The following ST6GALNAC3 variants were observed in gnomAD, a reference collection of about 807,000 sequenced individuals.
ST6GALNAC3 encodes ST6 N-acetylgalactosaminide alpha-2,6-sialyltransferase 3.
In ST6GALNAC3, 25 loss-of-function variants were observed where a neutral mutation model predicts 32.7. The observed-to-expected ratio is 0.76, with a 90% confidence interval of 0.56 to 1.07. The LOEUF (loss-of-function observed/expected upper bound fraction) is 1.07, where lower values mean the gene tolerates loss of function less well. Among genes scored for constraint, ST6GALNAC3 ranks in the 50% least tolerant of loss-of-function variants. The pLI is 0.00. For missense variants in ST6GALNAC3, 355 were observed against 382.4 expected (o/e 0.93, Z 0.60); for synonymous variants, 129 against 133.1 (o/e 0.97, Z 0.21).
chr1:76,622,163 G>T, intron 3 of ST6GALNAC3, among the ~76,000 whole-genome samples: 1 of 148,730 alleles, frequency 6.7e-6, no homozygotes, highest in South Asian at 2.1e-4. Context: ...CAAAGTTTGA[G>T]CCAAAGGCCC....
intron 1 of ST6GALNAC3, among the ~76,000 whole-genome samples, chr1:76,249,918 A>G (rs1385057413): frequency 6.6e-6 from 1 of 152,182 alleles, no homozygotes; most frequent in Non-Finnish European, 1.5e-5. Flanking sequence ...ATGAATGCAT[A>G]TTCACATTCT....
In ST6GALNAC3 at chr1:76,509,269, A is replaced by G. The variant is rs1215512821; in HGVS notation, c.623+96852A>G. ...ATAAAAGGGGCAGCAGGCAGTGAGT[A>G]GTTGTTACCTAATTTGCATTCAAAG... On this transcript the variant is annotated intron_variant, in intron 3 of 4. Coordinates refer to ENST00000328299, the MANE Select transcript of ST6GALNAC3 (RefSeq NM_152996.4). The surrounding 1 kb of genome is among the most constrained non-coding windows in gnomAD (Gnocchi z 5.5). Among the ~76,000 whole-genome samples the G allele has an allele frequency of 1.3e-5, 2 of 152,210 alleles. No individual in the cohort carries two copies. The highest frequency in any genetic ancestry group is 2.4e-5 in the African/African-American group (1 of 41,460).
chr1:76,445,530 C>T (rs1656910509), intron 3 of ST6GALNAC3, among the ~76,000 whole-genome samples: 3 of 152,188 alleles, frequency 2.0e-5, no homozygotes, highest in South Asian at 2.1e-4. Flanking sequence ...AGTATAAATA[C>T]ACTGTGTATG....
chr1:76,575,700 T>C (rs1646792298), intron 3 of ST6GALNAC3, among the ~76,000 whole-genome samples: 1 of 152,016 alleles, frequency 6.6e-6, no homozygotes, highest in South Asian at 2.1e-4. Context: ...GGTGAAATGG[T>C]GTATTTACCA....
At chr1:76,432,630 T>C (rs919561482) in intron 3 of ST6GALNAC3, among the ~76,000 whole-genome samples, 1 of 151,556 alleles carries the variant, frequency 6.6e-6, no homozygotes, top group East Asian at 1.9e-4. Flanking sequence ...AATTTTTAAA[T>C]TTTTTTTGTA....
intron 1 of ST6GALNAC3, among the ~76,000 whole-genome samples, chr1:76,200,317 G>C (rs72675905): frequency 0.028 from 4,242 of 152,182 alleles, 112 homozygotes; most frequent in African/African-American, 0.073. Flanking sequence ...AGAATGAATG[G>C]GGAGAAGCAA....
chr1:76,160,741 G>C (rs1338769194), intron 1 of ST6GALNAC3, among the ~76,000 whole-genome samples: 2 of 152,200 alleles, frequency 1.3e-5, no homozygotes, highest in Non-Finnish European at 2.9e-5. Flanking sequence ...AGCAAAAAGT[G>C]TGCTTAGTGA....
At position 76,412,324 on chromosome 1, in the gene ST6GALNAC3, T is replaced by C; in HGVS notation, c.530T>C (p.Val177Ala). The C allele has an allele frequency of 6.2e-7, 1 of 1,613,634 alleles. No individual in the cohort carries two copies. Among genetic ancestry groups the C allele is most frequent in the Non-Finnish European group, 8.5e-7 (1 of 1,179,770 alleles). ...GTTTACAACATGTTGAAAAAGACAG[T>C]TGGTATCTATCCGAATGCCCAAATA... ...GIVYNMLKKT[V>A]GIYPNAQIYV... Residue 177 changes from valine to alanine, a missense_variant, in exon 3 of 5, where the codon GTT becomes GCT. Val to Ala is a moderately conservative substitution (Grantham distance 64). Transcript: ENST00000328299.
intron 3 of ST6GALNAC3, among the ~76,000 whole-genome samples, chr1:76,545,867 C>G (rs139673800): frequency 0.011 from 1,618 of 152,210 alleles, 47 homozygotes; most frequent in African/African-American, 0.037. Flanking sequence ...CCATGTTGGT[C>G]AGGCTGGTCG....
intron 1 of ST6GALNAC3, among the ~76,000 whole-genome samples, chr1:76,248,482 C>G (rs999363749): frequency 6.6e-6 from 1 of 152,156 alleles, no homozygotes; most frequent in Non-Finnish European, 1.5e-5. Context: ...CTAGCAGTTC[C>G]TATTTAAAGA....
chr1:76,610,528 G>T lies in ST6GALNAC3; in HGVS notation c.624-16924G>T, dbSNP rs540915362. ...TTGTCCCTGAGGCTGGGAACAAAGTGGGGTGACAAGTATGAAGGCCTGGAG... is the reference window on the plus strand; with the variant it reads ...TTGTCCCTGAGGCTGGGAACAAAGTTGGGTGACAAGTATGAAGGCCTGGAG... On this transcript the variant is annotated intron_variant, in intron 3 of 4. Coordinates refer to ENST00000328299, the MANE Select transcript of ST6GALNAC3 (RefSeq NM_152996.4). 2.8e-3 allele frequency among the ~76,000 whole-genome samples: 424 copies of T among 152,272 alleles called. 2 individuals carry two copies. Among genetic ancestry groups the T allele is most frequent in the Non-Finnish European group, 3.5e-3 (238 of 67,998 alleles).
At chr1:76,445,172 C>T (rs1381788540) in intron 3 of ST6GALNAC3, among the ~76,000 whole-genome samples, 1 of 152,126 alleles carries the variant, frequency 6.6e-6, no homozygotes. Context: ...GGGAGTGTCT[C>T]TACTAAGAAG....
intron 2 of ST6GALNAC3, among the ~76,000 whole-genome samples, chr1:76,318,447 A>G (rs1646908091): frequency 1.3e-5 from 2 of 152,086 alleles, no homozygotes; most frequent in Admixed American, 1.3e-4. Flanking sequence ...GAAATTCTGA[A>G]AGTCTTCGCT....
intron 2 of ST6GALNAC3, among the ~76,000 whole-genome samples, chr1:76,385,153 A>T (rs1571046599): frequency 6.6e-6 from 1 of 152,310 alleles, no homozygotes; most frequent in Non-Finnish European, 1.5e-5. Context: ...TCGCAAGATA[A>T]AAAATGCAGA....
At chr1:76,092,871 C>T (rs1377803488) in intron 1 of ST6GALNAC3, among the ~76,000 whole-genome samples, 1 of 152,170 alleles carries the variant, frequency 6.6e-6, no homozygotes, top group East Asian at 1.9e-4. Context: ...GAGTGATTGC[C>T]TGGCCTCCAG....
intron 1 of ST6GALNAC3, among the ~76,000 whole-genome samples, chr1:76,222,912 A>C (rs889952318): frequency 6.6e-6 from 1 of 152,160 alleles, no homozygotes; most frequent in African/African-American, 2.4e-5. Context: ...AGATGCTGGC[A>C]AGGTTGTGGA....
At chr1:76,556,522 T>G (rs1664934803) in intron 3 of ST6GALNAC3, among the ~76,000 whole-genome samples, 2 of 152,056 alleles carry the variant, frequency 1.3e-5, no homozygotes. Context: ...GGTTCTGATT[T>G]CTCCATATCT....
chr1:76,292,865 T>G lies in ST6GALNAC3; in HGVS notation c.19-20940T>G, dbSNP rs182125959. ...GATATATAAAACCAAAATTATTGTTTATATGAAGTCAAAATCTACCTCCTT... is the reference window on the plus strand; with the variant it reads ...GATATATAAAACCAAAATTATTGTTGATATGAAGTCAAAATCTACCTCCTT... On this transcript the variant is annotated intron_variant, in intron 1 of 4. Coordinates refer to ENST00000328299, the MANE Select transcript of ST6GALNAC3 (RefSeq NM_152996.4). 6.6e-5 allele frequency among the ~76,000 whole-genome samples: 10 copies of G among 152,322 alleles called. No individual in the cohort carries two copies. In the East Asian group the frequency reaches 9.6e-4, roughly 15 times the overall value.
intron 2 of ST6GALNAC3, among the ~76,000 whole-genome samples, chr1:76,405,605 G>A (rs1047613112): frequency 8.3e-6 from 1 of 121,144 alleles, no homozygotes; most frequent in Non-Finnish European, 1.7e-5. Flanking sequence ...GTGTGTGTGT[G>A]TATTTGTGTG....
Sources: allele counts gnomAD v4.1 joint callset (sites outside exome capture counted in the v4.1 genomes callset), GRCh38; gene constraint gnomAD v4.1.1; non-coding constraint Gnocchi (gnomAD v3.1); transcripts MANE v1.5; gene names NCBI Gene and HGNC (gene_info 2026-07-23, HGNC 2026-07-21).